Variants in EYS observed in about 807,000 individuals in gnomAD.
EYS encodes the protein protein eyes shut homolog.
Under a neutral mutation model 282.1 loss-of-function variants are expected in EYS, and 250 were observed. The ratio of observed to expected loss-of-function variants is 0.89; its 90% CI spans 0.80 to 0.98. EYS has a LOEUF of 0.98. EYS is among the 50% of genes least tolerant of loss of function. The pLI is 0.00. For missense variants in EYS, 4,016 were observed against 3,709.0 expected (o/e 1.08, Z -2.15); for synonymous variants, 1,355 against 1,282.9 (o/e 1.06, Z -1.20).
At chr6:65,340,400 T>C (rs922677085) in intron 10 of EYS, among the ~76,000 whole-genome samples, 3 of 151,212 alleles carry the variant, frequency 2.0e-5, no homozygotes, top group Non-Finnish European at 4.4e-5. Flanking sequence ...GGAATTTCTG[T>C]CTTTGATGAT....
At chr6:64,929,610 A>G (rs1768641901) in intron 15 of EYS, among the ~76,000 whole-genome samples, 1 of 152,130 alleles carries the variant, frequency 6.6e-6, no homozygotes, top group Admixed American at 6.6e-5. Context: ...GGTAGGATGT[A>G]TTTATCTGTC....
intron 31 of EYS, among the ~76,000 whole-genome samples, chr6:64,171,798 C>T (rs1455507348): frequency 6.6e-6 from 1 of 152,060 alleles, no homozygotes; most frequent in Non-Finnish European, 1.5e-5. Flanking sequence ...CGTGTGTTGG[C>T]TTTTTATCAG....
chr6:63,831,383 A>C (rs963778826), intron 36 of EYS, among the ~76,000 whole-genome samples: 5 of 152,218 alleles, frequency 3.3e-5, no homozygotes, highest in African/African-American at 7.2e-5. Flanking sequence ...TCTACCAAGC[A>C]AATGGAAAAC....
chr6:64,350,802 ATCCAAATTGTAAT>A (rs1771600164), intron 29 of EYS, among the ~76,000 whole-genome samples: 1 of 151,528 alleles, frequency 6.6e-6, no homozygotes, highest in Non-Finnish European at 1.5e-5. Context: ...TTGAATTGTA[ATCCAAATTGTAAT>A]TCCCAACGTG....
chr6:65,181,880 A>C (rs1310850791), intron 12 of EYS, among the ~76,000 whole-genome samples: 1 of 152,104 alleles, frequency 6.6e-6, no homozygotes, highest in African/African-American at 2.4e-5. Context: ...ATGCAGCCAT[A>C]AAAAATGATG....
chr6:64,650,396 A>G (rs1394242827), intron 22 of EYS, among the ~76,000 whole-genome samples: 1 of 152,002 alleles, frequency 6.6e-6, no homozygotes, highest in Non-Finnish European at 1.5e-5. Context: ...CCCTTGAACA[A>G]TGAGTAGAAA....
chr6:65,187,214 G>C (rs1280328763), intron 12 of EYS, among the ~76,000 whole-genome samples: 1 of 151,598 alleles, frequency 6.6e-6, no homozygotes, highest in Non-Finnish European at 1.5e-5. Flanking sequence ...TGATTTCTTA[G>C]TATAGTTTTT....
intron 42 of EYS, among the ~76,000 whole-genome samples, chr6:63,722,814 G>T (rs1768457056): frequency 6.6e-6 from 1 of 152,158 alleles, no homozygotes; most frequent in South Asian, 2.1e-4. Context: ...TCTATACCAA[G>T]CCATTCTAGA....
intron 11 of EYS, among the ~76,000 whole-genome samples, chr6:65,310,358 G>C (rs1343267144): frequency 6.6e-6 from 1 of 151,802 alleles, no homozygotes; most frequent in East Asian, 1.9e-4. Context: ...TATCTATCTA[G>C]CTATCTATCT....
chr6:64,578,166 A>T (rs1053250684), intron 26 of EYS, among the ~76,000 whole-genome samples: 1 of 151,970 alleles, frequency 6.6e-6, no homozygotes, highest in African/African-American at 2.4e-5. Flanking sequence ...CAGAGTGGTC[A>T]CTCAAATAAT....
At chr6:65,281,167 C>A (rs538702155) in intron 12 of EYS, among the ~76,000 whole-genome samples, 9 of 151,020 alleles carry the variant, frequency 6.0e-5, no homozygotes, top group Non-Finnish European at 1.2e-4. Context: ...GGAATATTAT[C>A]TATACCACCT....
intron 15 of EYS, among the ~76,000 whole-genome samples, chr6:64,918,895 C>A (rs1017043253): frequency 6.6e-6 from 1 of 152,040 alleles, no homozygotes; most frequent in Admixed American, 6.6e-5. Context: ...TCTAGAAAAA[C>A]CAAGGCATGC....
intron 15 of EYS, among the ~76,000 whole-genome samples, chr6:64,916,527 C>G (rs1352268674): frequency 6.6e-6 from 1 of 152,172 alleles, no homozygotes; most frequent in Non-Finnish European, 1.5e-5. Flanking sequence ...AATCTGCTTC[C>G]GCACATGTCA....
At chr6:64,950,806 T>TATATATA (rs1421892834) in intron 14 of EYS, among the ~76,000 whole-genome samples, 3 of 91,034 alleles carry the variant, frequency 3.3e-5, no homozygotes, top group Non-Finnish European at 6.9e-5. Flanking sequence ...TACATATATA[T>TATATATA]ATATATATAT....
intron 12 of EYS, among the ~76,000 whole-genome samples, chr6:65,086,637 C>T (rs1034963265): frequency 1.3e-5 from 2 of 151,894 alleles, no homozygotes; most frequent in African/African-American, 2.4e-5. Context: ...TTAGATTATG[C>T]GATACTGGTA....
intron 35 of EYS, among the ~76,000 whole-genome samples, chr6:63,927,173 G>A (rs9450379): frequency 0.022 from 3,321 of 152,226 alleles, 108 homozygotes; most frequent in African/African-American, 0.076. Context: ...GTTTGTTTCC[G>A]CAGAAAAGTA....
intron 15 of EYS, among the ~76,000 whole-genome samples, chr6:64,915,372 A>G (rs1262615458): frequency 6.6e-6 from 1 of 152,164 alleles, no homozygotes; most frequent in East Asian, 1.9e-4. Flanking sequence ...TATCATGTCA[A>G]CACAATAAAT....
chr6:63,761,915 C>T (rs887991785), intron 41 of EYS, among the ~76,000 whole-genome samples: 3 of 152,054 alleles, frequency 2.0e-5, no homozygotes, highest in Non-Finnish European at 4.4e-5. Context: ...ACCATTATCC[C>T]TTAGCCACAG....
intron 12 of EYS, among the ~76,000 whole-genome samples, chr6:65,063,939 T>C (rs1168410178): frequency 6.6e-6 from 1 of 151,656 alleles, no homozygotes; most frequent in Non-Finnish European, 1.5e-5. Context: ...CATTTGGATT[T>C]TACACTAAGC....
Sources: gnomAD v4.1 joint callset for allele counts (sites outside exome capture counted in the v4.1 genomes callset) on GRCh38, gnomAD v4.1.1 for gene constraint, MANE v1.5 for transcripts, NCBI Gene and HGNC (gene_info 2026-07-23, HGNC 2026-07-21) for gene names.